COX10: variants seen among roughly 807,000 people sequenced by gnomAD.
The protein encoded by COX10 is protoheme IX farnesyltransferase, mitochondrial.
In COX10, 27 loss-of-function variants were observed where a neutral mutation model predicts 37.3. The observed-to-expected ratio is 0.72, with a 90% confidence interval of 0.53 to 1.00. The LOEUF (loss-of-function observed/expected upper bound fraction) is 1.00. COX10 is among the 50% of genes least tolerant of loss of function. The pLI is 0.00. For synonymous variants in COX10, 222 were observed against 229.1 expected (o/e 0.97, Z 0.28); for missense variants, 475 against 563.2 (o/e 0.84, Z 1.59).
chr17:14,124,729 G>A (rs1032614344), intron 4 of COX10, among the ~76,000 whole-genome samples: 5 of 152,106 alleles, frequency 3.3e-5, no homozygotes, highest in Admixed American at 3.3e-4. Flanking sequence ...TCAGCTAACC[G>A]TGCTTTCCTC....
intron 6 of COX10, among the ~76,000 whole-genome samples, chr17:14,195,004 T>G (rs2142265221): frequency 6.6e-6 from 1 of 152,352 alleles, no homozygotes; most frequent in South Asian, 2.1e-4. Context: ...TTACTTTAAA[T>G]CTTAAAGATG....
intron 4 of COX10, among the ~76,000 whole-genome samples, chr17:14,119,319 A>C (rs528417001): frequency 2.0e-4 from 31 of 152,110 alleles, no homozygotes; most frequent in African/African-American, 7.2e-4. Context: ...ATTTTGTGAA[A>C]ATTTGTAATT....
chr17:14,139,503 T>A (rs1904478201), intron 4 of COX10, among the ~76,000 whole-genome samples: 1 of 152,220 alleles, frequency 6.6e-6, no homozygotes, highest in Non-Finnish European at 1.5e-5. Flanking sequence ...AAAGGTTTTA[T>A]AATTTTATTA....
At chr17:14,180,244 G>A (rs1236196764) in intron 5 of COX10, among the ~76,000 whole-genome samples, 1 of 152,076 alleles carries the variant, frequency 6.6e-6, no homozygotes, top group Non-Finnish European at 1.5e-5. Context: ...TATTGCTAAT[G>A]TAATAAGAAC....
intron 4 of COX10, among the ~76,000 whole-genome samples, chr17:14,157,248 C>G (rs1429125266): frequency 6.6e-6 from 1 of 152,214 alleles, no homozygotes; most frequent in Non-Finnish European, 1.5e-5. Flanking sequence ...GTAAGAACTT[C>G]TTGAAAGCAG....
At chr17:14,179,256 A>T (rs908347344) in intron 5 of COX10, 1 of 977,286 alleles carries the variant, frequency 1.0e-6, no homozygotes, top group Non-Finnish European at 1.2e-6. Context: ...ATCAAACCTG[A>T]GGTCCTTCAG....
intron 6 of COX10, among the ~76,000 whole-genome samples, chr17:14,198,018 C>T (rs1906419456): frequency 6.6e-6 from 1 of 152,086 alleles, no homozygotes; most frequent in Non-Finnish European, 1.5e-5. Flanking sequence ...CTGCTGTTAG[C>T]AAAAACCATT....
At chr17:14,079,940 A>G (rs550127594) in intron 3 of COX10, among the ~76,000 whole-genome samples, 6 of 152,100 alleles carry the variant, frequency 3.9e-5, no homozygotes, top group African/African-American at 9.6e-5. Context: ...TTCACTGACA[A>G]TATTCACTGC....
chr17:14,197,772 A>T (rs2023485), intron 6 of COX10, among the ~76,000 whole-genome samples: 1 of 152,270 alleles, frequency 6.6e-6, no homozygotes. Flanking sequence ...GCCGCAAAGC[A>T]TGGGCCCAGC....
chr17:14,112,162 G>A (rs1213823052), intron 4 of COX10, among the ~76,000 whole-genome samples: 1 of 152,076 alleles, frequency 6.6e-6, no homozygotes, highest in Non-Finnish European at 1.5e-5. Flanking sequence ...AAGAACCTAC[G>A]TCTTAAGTAA....
At chr17:14,139,679 A>G (rs1411923457) in intron 4 of COX10, among the ~76,000 whole-genome samples, 1 of 152,118 alleles carries the variant, frequency 6.6e-6, no homozygotes, top group Non-Finnish European at 1.5e-5. Flanking sequence ...ATTAAGAGGA[A>G]AAAATACAGG....
intron 3 of COX10, among the ~76,000 whole-genome samples, chr17:14,092,825 C>A (rs779517994): frequency 1.5e-4 from 23 of 152,118 alleles, no homozygotes; most frequent in Non-Finnish European, 2.9e-5. Context: ...AGACTTAACT[C>A]CTTCCTCTGA....
chr17:14,165,990 G>C (rs947297888), intron 5 of COX10, among the ~76,000 whole-genome samples: 1 of 152,228 alleles, frequency 6.6e-6, no homozygotes, highest in Non-Finnish European at 1.5e-5. Context: ...CAGAAGAAAA[G>C]TTTGAAGCTG....
chr17:14,139,743 T>G (rs1173615926), intron 4 of COX10, among the ~76,000 whole-genome samples: 2 of 152,124 alleles, frequency 1.3e-5, no homozygotes, highest in Non-Finnish European at 2.9e-5. Flanking sequence ...ACTCCAGTAT[T>G]TAGTATCCAA....
At position 14,207,537 on chromosome 17, in the gene COX10, GGTTCC is replaced by G; in HGVS notation, c.*325_*329del. On this transcript the variant is annotated 3_prime_UTR_variant, in exon 7 of 7. Transcript: ENST00000261643. The stretch of plus-strand genomic sequence containing the variant: ...GTACACATACACAGCTTCCTCTTTT[GGTTCC>G]ATCCTTACCACCACACCACACGCAC... The G allele has an allele frequency of 3.7e-6, 1 of 270,512 alleles. No homozygotes were observed. The highest frequency in any genetic ancestry group is 7.0e-6 in the Non-Finnish European group (1 of 141,960). The allele number at this position is 270,512 out of a possible 1,614,324, so 16.8% of individuals were successfully genotyped here.
intron 6 of COX10, among the ~76,000 whole-genome samples, chr17:14,193,699 A>G (rs1416067804): frequency 6.8e-6 from 1 of 147,484 alleles, no homozygotes; most frequent in East Asian, 2.0e-4. Context: ...TTCACAGAGC[A>G]CACCTGCACA....
chr17:14,167,254 A>G (rs1385383979), intron 5 of COX10, among the ~76,000 whole-genome samples: 1 of 152,230 alleles, frequency 6.6e-6, no homozygotes, highest in Admixed American at 6.5e-5. Flanking sequence ...ACTTGAACAC[A>G]TGAAGAATTG....
At position 14,076,785 on chromosome 17, in the gene COX10, A is replaced by G. The variant is rs1358447236; in HGVS notation, c.228A>G (p.Pro76=). Residue 76 remains proline (P), a synonymous_variant, in exon 3 of 7, where the codon CCA becomes CCG. Coordinates refer to ENST00000261643, the MANE Select transcript of COX10 (RefSeq NM_001303.4). ...ACAACCAGCAAGTAAGACCCAAGCCAGAACCAGTAGCATCTCCTTTCCTTG... is the reference window on the plus strand; with the variant it reads ...ACAACCAGCAAGTAAGACCCAAGCCGGAACCAGTAGCATCTCCTTTCCTTG... ...RSHNQQVRPK[P]EPVASPFLEK... The G allele has an allele frequency of 2.5e-6, 4 of 1,614,102 alleles. No individual in the cohort carries two copies. Among genetic ancestry groups the G allele is most frequent in the Non-Finnish European group, 3.4e-6 (4 of 1,180,046 alleles).
At chr17:14,120,865 A>G (rs1414153255) in intron 4 of COX10, among the ~76,000 whole-genome samples, 1 of 152,204 alleles carries the variant, frequency 6.6e-6, no homozygotes, top group Non-Finnish European at 1.5e-5. Flanking sequence ...TTTATATCCT[A>G]AAGCTTAGAT....
Sources: allele counts gnomAD v4.1 joint callset (sites outside exome capture counted in the v4.1 genomes callset), GRCh38; gene constraint gnomAD v4.1.1; transcripts MANE v1.5; gene names NCBI Gene and HGNC (gene_info 2026-07-23, HGNC 2026-07-21).